The following DNAH17 variants were observed in gnomAD, a reference collection of about 807,000 sequenced individuals.
DNAH17 encodes dynein axonemal heavy chain 17.
In DNAH17, 376 loss-of-function variants were observed where a neutral mutation model predicts 485.6. The ratio of observed to expected loss-of-function variants is 0.77; its 90% CI spans 0.71 to 0.84. The LOEUF (loss-of-function observed/expected upper bound fraction) is 0.84. Among genes scored for constraint, DNAH17 ranks in the 40% least tolerant of loss-of-function variants. The pLI is 0.00. For missense variants in DNAH17, 6,370 were observed against 5,839.3 expected, an observed-to-expected ratio of 1.09 and a Z score of -2.96; for synonymous variants, 3,031 against 2,405.9, an observed-to-expected ratio of 1.26 and a Z score of -7.60.
rs2087248224 is a variant in DNAH17, at chr17:78,445,541, A to AACGTCTAAAG, written c.11334+7_11334+16dup. The AACGTCTAAAG allele has an allele frequency of 6.4e-7, 1 of 1,559,230 alleles. No homozygotes were observed. On this transcript the variant is annotated intron_variant, in intron 70 of 80. Transcript: ENST00000389840. ...GGCGGGGAGAAAGCACAACGTGTTC[A>AACGTCTAAAG]ACGTCTAAAGACGAACCTTGATCCC...
At chr17:78,461,112 T>C (rs1255998405) in intron 58 of DNAH17, among the ~76,000 whole-genome samples, 1 of 150,158 alleles carries the variant, frequency 6.7e-6, no homozygotes, top group East Asian at 2.0e-4. Context: ...AGTAACGTCC[T>C]ACCCTCTCGG....
intron 2 of DNAH17, among the ~76,000 whole-genome samples, chr17:78,574,502 C>CAA (rs780149334): frequency 3.2e-4 from 42 of 132,978 alleles, no homozygotes; most frequent in African/African-American, 1.0e-3. Flanking sequence ...GACCCTGTCT[C>CAA]AAAAAAAAAA....
rs145898327 is a variant in DNAH17 at position 78,527,924 on chromosome 17, G to A, written c.3508-928C>T. On this transcript the variant is annotated intron_variant, in intron 22 of 80. Transcript: ENST00000389840. ...CTCCCGAGCAGCTAGGATTACAGGC[G>A]CCTGCCACCACGCCTGGCTAATTTT... Among the ~76,000 whole-genome samples, 1,165 of 152,112 alleles carry A rather than the reference G, an allele frequency of 7.7e-3. 19 individuals are homozygous for A. The highest frequency in any genetic ancestry group is 0.024 in the African/African-American group (981 of 41,480).
chr17:78,484,032 G>A (rs1045166564), intron 48 of DNAH17, among the ~76,000 whole-genome samples: 23 of 143,088 alleles, frequency 1.6e-4, no homozygotes, highest in African/African-American at 5.7e-4. Context: ...GGAGGCGGAG[G>A]TTGCAGTAAG....
In DNAH17 at chr17:78,445,613, G is replaced by A; in HGVS notation, c.11279C>T (p.Ala3760Val). The A allele has an allele frequency of 6.4e-7, 1 of 1,566,422 alleles. No homozygotes were observed. Among genetic ancestry groups the A allele is most frequent in the South Asian group, 1.2e-5 (1 of 84,986 alleles). ...LDFLLRFPFKAGVVSPVDFLQ... is the reference protein window; with the variant it reads ...LDFLLRFPFKVGVVSPVDFLQ... ...GAAGTCCACTGGTGAGACCACTCCG[G>A]CCTTAAAAGGGAACCGCAGGAGGAA... The change falls in exon 70 of 81, where the codon GCC becomes GTC. Residue 3760 changes from alanine (A) to valine (V), a missense_variant. Transcript: ENST00000389840.
chr17:78,554,051 T>C (rs1457221986), intron 14 of DNAH17, among the ~76,000 whole-genome samples: 1 of 152,132 alleles, frequency 6.6e-6, no homozygotes, highest in African/African-American at 2.4e-5. Flanking sequence ...CACTTCAGTC[T>C]CCCAAAGTGC....
Position 78,484,934 on chromosome 17 carries a change from T to G in DNAH17, c.7583A>C (p.Glu2528Ala). 6.2e-7 allele frequency: 1 copy of G among 1,609,134 alleles called. No homozygotes were observed. The change falls in exon 48 of 81, where the codon GAG becomes GCG. Residue 2528 changes from glutamate (E) to alanine (A), a missense_variant. Transcript: ENST00000389840. The part of the protein sequence containing the change: ...VYFIDDMNMP[E>A]VDKYGTVAPH... Reference sequence around the variant, plus strand: ...GGCCACCGTCCCATACTTGTCCACCTCGGGCATGTTCATGTCGTCGATGAA... The same window carrying G: ...GGCCACCGTCCCATACTTGTCCACCGCGGGCATGTTCATGTCGTCGATGAA...
intron 43 of DNAH17, 61 bp from the exon 44 acceptor site, chr17:78,490,908 C>G (rs2089823738): frequency 1.3e-6 from 2 of 1,502,732 alleles, no homozygotes; most frequent in Admixed American, 2.1e-5. Flanking sequence ...CAATGGTGTT[C>G]TGGGGTGGGG....
chr17:78,444,454 A>C, intron 71 of DNAH17, 150 bp downstream of exon 71: 1 of 721,576 alleles, frequency 1.4e-6, no homozygotes, highest in Non-Finnish European at 2.2e-6. Flanking sequence ...TACCCCTCTA[A>C]GCCCTGTTTC....
chr17:78,530,984 G>A (rs1205907853), intron 20 of DNAH17, among the ~76,000 whole-genome samples: 5 of 152,326 alleles, frequency 3.3e-5, no homozygotes, highest in South Asian at 2.1e-4. Flanking sequence ...AGGTTTGTGC[G>A]TTAACTATGT....
rs140187653 is a variant in DNAH17 at position 78,535,598 on chromosome 17, T to C, written c.2859+1701A>G. On this transcript the variant is annotated intron_variant, in intron 19 of 80. Transcript: ENST00000389840. ...GACAGCTCATCTCGCTGTAAATATA[T>C]GTTATGACAAATCATACGTGTCCAT... Among the ~76,000 whole-genome samples, 1,010 of 152,304 alleles carry C rather than the reference T, an allele frequency of 6.6e-3. 7 individuals carry two copies. Among genetic ancestry groups the C allele is most frequent in the African/African-American group, 0.022 (914 of 41,548 alleles).
chr17:78,439,327 G>A, intron 72 of DNAH17, 110 bp from the exon 73 acceptor site: 16 of 1,282,034 alleles, frequency 1.2e-5, no homozygotes, highest in Admixed American at 5.3e-5. Context: ...TAGTTTCGGT[G>A]GTGAAATACA....
intron 76 of DNAH17, 55 bp from the exon 77 acceptor site, chr17:78,428,762 T>C: frequency 5.0e-6 from 8 of 1,594,724 alleles, no homozygotes; most frequent in Non-Finnish European, 6.9e-6. Context: ...CTGAAACCCA[T>C]GTCCTGTTGG....
chr17:78,453,528 C>G, intron 64 of DNAH17, 63 bp from the exon 65 acceptor site: 1 of 1,592,924 alleles, frequency 6.3e-7, no homozygotes, highest in South Asian at 1.1e-5. Flanking sequence ...GGTGCGCACG[C>G]TCCGACCAGC....
chr17:78,545,064 T>C (rs1568232172), intron 16 of DNAH17, among the ~76,000 whole-genome samples: 1 of 144,744 alleles, frequency 6.9e-6, no homozygotes, highest in African/African-American at 2.6e-5. Context: ...GTCACTCTTA[T>C]CATTTACGGA....
rs772984266 is a variant in DNAH17 at position 78,459,945 on chromosome 17, G to A, written c.9492C>T (p.Val3164=). 5 of 1,613,756 alleles carry A rather than the reference G, an allele frequency of 3.1e-6. No homozygotes were observed. Among genetic ancestry groups the A allele is most frequent in the Non-Finnish European group, 4.2e-6 (5 of 1,179,886 alleles). Residue 3164 remains valine (V), a synonymous_variant, in exon 60 of 81, where the codon GTC becomes GTT. Coordinates refer to ENST00000389840, the MANE Select transcript of DNAH17 (RefSeq NM_173628.4). ...FGSPPDAVVN[V]TAAVMILTAP... is the part of the protein sequence containing the mutation. ...CGGTCAGAATCATGACGGCGGCGGT[G>A]ACGTTGACCACAGCATCCGGCGGGG...
intron 11 of DNAH17, 146 bp downstream of exon 11, chr17:78,566,468 C>T: frequency 1.6e-6 from 1 of 631,336 alleles, no homozygotes; most frequent in South Asian, 2.0e-5. Context: ...GGCTGACTGA[C>T]TCTGAGGCAC....
intron 42 of DNAH17, 39 bp downstream of exon 42, chr17:78,492,594 G>T: frequency 6.2e-7 from 1 of 1,609,800 alleles, no homozygotes; most frequent in South Asian, 1.1e-5. Flanking sequence ...ACTGGACCAG[G>T]AGTGCCCCTG....
At chr17:78,430,062 C>T (rs1404245764) in intron 75 of DNAH17, among the ~76,000 whole-genome samples, 1 of 152,254 alleles carries the variant, frequency 6.6e-6, no homozygotes, top group African/African-American at 2.4e-5. Context: ...CTTCATGCTT[C>T]CTTGCAGTCT....
Sources: allele counts gnomAD v4.1 joint callset (sites outside exome capture counted in the v4.1 genomes callset), GRCh38; gene constraint gnomAD v4.1.1; transcripts MANE v1.5; gene names NCBI Gene and HGNC (gene_info 2026-07-23, HGNC 2026-07-21).